Variants in CHST9 observed in about 807,000 individuals in gnomAD.
The protein encoded by CHST9 is carbohydrate sulfotransferase 9.
In CHST9, 41 loss-of-function variants were observed where a neutral mutation model predicts 44.4. The observed-to-expected ratio is 0.92, with a 90% CI of 0.72 to 1.20. The LOEUF is 1.20. Ranked by LOEUF, CHST9 falls within the 50% of genes most tolerant of loss-of-function variation. The probability of loss-of-function intolerance (pLI) is 0.00; values close to 1 mark genes in which losing one functional copy is unlikely to be tolerated. For synonymous variants in CHST9, 171 were observed against 178.4 expected (o/e 0.96, Z 0.33); for missense variants, 504 against 516.5 (o/e 0.98, Z 0.23).
intron 3 of CHST9, among the ~76,000 whole-genome samples, chr18:27,038,030 A>G (rs977843242): frequency 6.6e-6 from 1 of 152,198 alleles, no homozygotes; most frequent in Non-Finnish European, 1.5e-5. Context: ...ATGTGAAACC[A>G]GGACCTAATA....
At chr18:26,930,218 G>A (rs151250) in intron 5 of CHST9, among the ~76,000 whole-genome samples, 65,630 of 152,068 alleles carry the variant, frequency 0.43, 14,581 homozygotes, top group East Asian at 0.7. Context: ...CCTGGGCCCT[G>A]AGTTAGGAAG....
intron 2 of CHST9, among the ~76,000 whole-genome samples, chr18:27,060,294 A>T (rs953891365): frequency 1.6e-4 from 24 of 152,312 alleles, no homozygotes; most frequent in African/African-American, 5.5e-4. Flanking sequence ...TGTACCTAAT[A>T]ATAGAGACAT....
chr18:26,950,573 A>G (rs1213710121), intron 4 of CHST9, among the ~76,000 whole-genome samples: 2 of 152,220 alleles, frequency 1.3e-5, no homozygotes, highest in Non-Finnish European at 2.9e-5. Context: ...CATTTGCAAC[A>G]ACTTGGATGG....
intron 2 of CHST9, among the ~76,000 whole-genome samples, chr18:27,063,876 G>A (rs1300046818): frequency 6.6e-6 from 1 of 151,988 alleles, no homozygotes; most frequent in Admixed American, 6.6e-5. Context: ...AGGGTGGTGG[G>A]GGTGGTGAAG....
intron 5 of CHST9, among the ~76,000 whole-genome samples, chr18:26,943,632 T>C (rs1382368650): frequency 6.6e-6 from 1 of 152,190 alleles, no homozygotes; most frequent in Non-Finnish European, 1.5e-5. Context: ...CAGGCAGGGT[T>C]TGGAGAAACT....
At chr18:27,168,648 G>A (rs1213644283) in intron 1 of CHST9, among the ~76,000 whole-genome samples, 2 of 152,180 alleles carry the variant, frequency 1.3e-5, no homozygotes, top group Admixed American at 6.5e-5. Context: ...CCAAGTAAGA[G>A]GTATCACATA....
intron 2 of CHST9, among the ~76,000 whole-genome samples, chr18:27,133,881 G>A (rs2058492770): frequency 6.6e-6 from 1 of 152,200 alleles, no homozygotes; most frequent in Admixed American, 6.5e-5. Flanking sequence ...AAGACGAGGT[G>A]TGGCGCTGTC....
intron 4 of CHST9, among the ~76,000 whole-genome samples, chr18:26,998,695 G>A (rs1441241142): frequency 7.1e-6 from 1 of 140,602 alleles, no homozygotes; most frequent in Admixed American, 7.7e-5. Context: ...CAGCCTGGGT[G>A]ACACAGTGAG....
At chr18:27,078,313 C>A (rs573130506) in intron 2 of CHST9, among the ~76,000 whole-genome samples, 1 of 152,220 alleles carries the variant, frequency 6.6e-6, no homozygotes, top group South Asian at 2.1e-4. Context: ...CTAAGTATCA[C>A]CATGACCAGC....
intron 1 of CHST9, among the ~76,000 whole-genome samples, chr18:27,165,474 C>T: frequency 6.6e-6 from 1 of 152,174 alleles, no homozygotes; most frequent in Non-Finnish European, 1.5e-5. Context: ...GGAACAATGA[C>T]TAAATCCTCT....
At position 26,917,150 on chromosome 18, in the gene CHST9, G is replaced by A. The variant is rs762456787; in HGVS notation, c.441C>T (p.Ser147=). Residue 147 remains serine (S), a synonymous_variant, in exon 6 of 6, where the codon AGC becomes AGT. Transcript: ENST00000618847. ...GAATGTCCACTGGCCAATTCATGTT[G>A]CTGAACTTGTTAAAAACAGTCTTAG... The part of the protein sequence containing the change: ...QGAKTVFNKF[S]NMNWPVDIHP... The A allele has an allele frequency of 6.2e-7, 1 of 1,613,824 alleles. No individual in the cohort carries two copies. The highest frequency in any genetic ancestry group is 8.5e-7 in the Non-Finnish European group (1 of 1,179,834).
rs114696012 is a variant in CHST9 at position 27,056,295 on chromosome 18, G to A, written c.122-7792C>T. Among the ~76,000 whole-genome samples the A allele has an allele frequency of 5.7e-3, 861 of 152,158 alleles. 7 individuals carry two copies. The highest frequency in any genetic ancestry group is 0.02 in the African/African-American group (832 of 41,488). Reference sequence around the variant, plus strand: ...AGTAAATGACTTTCATTTTCTGATGGTGAAGGCAGGCTCAGAATCTTTTTT... The same window carrying A: ...AGTAAATGACTTTCATTTTCTGATGATGAAGGCAGGCTCAGAATCTTTTTT... On this transcript the variant is annotated intron_variant, in intron 2 of 5. Coordinates refer to ENST00000618847, the MANE Select transcript of CHST9 (RefSeq NM_031422.6).
At chr18:27,005,227 A>C (rs946609973) in intron 4 of CHST9, among the ~76,000 whole-genome samples, 2 of 152,198 alleles carry the variant, frequency 1.3e-5, no homozygotes, top group East Asian at 1.9e-4. Context: ...ACTACTACTA[A>C]TAATAAAAAG....
intron 5 of CHST9, among the ~76,000 whole-genome samples, chr18:26,932,525 CTG>C (rs2055896889): frequency 6.6e-6 from 1 of 151,774 alleles, no homozygotes; most frequent in African/African-American, 2.4e-5. Flanking sequence ...ACTTGTGGAG[CTG>C]TGTGTGTTAG....
intron 5 of CHST9, among the ~76,000 whole-genome samples, chr18:26,941,453 T>C (rs1157981790): frequency 6.6e-6 from 1 of 152,188 alleles, no homozygotes; most frequent in Non-Finnish European, 1.5e-5. Flanking sequence ...CATTTAGTTT[T>C]CCCATTCTCA....
intron 1 of CHST9, among the ~76,000 whole-genome samples, chr18:27,160,501 A>G (rs907646298): frequency 2.0e-5 from 3 of 152,142 alleles, no homozygotes; most frequent in Non-Finnish European, 2.9e-5. Flanking sequence ...GTTCTGCTGG[A>G]TTCGGTTTGC....
chr18:26,984,061 G>A (rs566759601), intron 4 of CHST9, among the ~76,000 whole-genome samples: 1 of 152,138 alleles, frequency 6.6e-6, no homozygotes, highest in East Asian at 1.9e-4. Context: ...TGCTGACATT[G>A]ACTTAAGATA....
At chr18:26,945,822 A>T (rs191474601) in intron 4 of CHST9, among the ~76,000 whole-genome samples, 324 of 152,336 alleles carry the variant, frequency 2.1e-3, no homozygotes, top group Non-Finnish European at 3.5e-3. Flanking sequence ...TTGTAGGCTT[A>T]ATTGTTTGAG....
chr18:27,055,073 G>A (rs1394348677), intron 2 of CHST9, among the ~76,000 whole-genome samples: 2 of 151,930 alleles, frequency 1.3e-5, no homozygotes, highest in Non-Finnish European at 1.5e-5. Context: ...TTCACTTTCA[G>A]GCATTTTATC....
Sources: allele counts gnomAD v4.1 joint callset (sites outside exome capture counted in the v4.1 genomes callset), GRCh38; gene constraint gnomAD v4.1.1; transcripts MANE v1.5; gene names NCBI Gene and HGNC (gene_info 2026-07-23, HGNC 2026-07-21).